ZFYVE9: variants seen among roughly 807,000 people sequenced by gnomAD.
ZFYVE9 encodes the protein zinc finger FYVE-type containing 9.
ZFYVE9 carries 43 observed loss-of-function variants against 126.7 expected under a neutral mutation model. The observed-to-expected ratio is 0.34, with a 90% CI of 0.27 to 0.44. The LOEUF is 0.44. ZFYVE9 is among the 20% of genes least tolerant of loss of function. The pLI, the probability that ZFYVE9 is intolerant of heterozygous loss-of-function variation, is 1.00. For missense variants in ZFYVE9, 1,476 were observed against 1,697.0 expected (o/e 0.87, Z 2.29); for synonymous variants, 521 against 597.4 (o/e 0.87, Z 1.87).
chr1:52,173,253 AG>A (rs1231792133), intron 1 of ZFYVE9, among the ~76,000 whole-genome samples: 1 of 152,184 alleles, frequency 6.6e-6, no homozygotes, highest in Non-Finnish European at 1.5e-5. Context: ...GCATCTACTG[AG>A]ATAATCATGT....
chr1:52,200,486 G>C (rs1242650710), intron 1 of ZFYVE9, among the ~76,000 whole-genome samples: 2 of 152,106 alleles, frequency 1.3e-5, no homozygotes, highest in Non-Finnish European at 2.9e-5. Context: ...TGGCCACAGA[G>C]CAGAAATTTT....
rs904617054 is a variant in ZFYVE9, at chr1:52,238,074, G to A, written c.657G>A (p.Pro219=). 38 of 1,613,842 alleles carry A rather than the reference G, an allele frequency of 2.4e-5. No homozygotes were observed. Among genetic ancestry groups the A allele is most frequent in the Non-Finnish European group, 2.7e-5 (32 of 1,179,940 alleles). The change falls in exon 4 of 19, where the codon CCG becomes CCA. Residue 219 remains proline, a synonymous_variant. Coordinates refer to ENST00000287727, the MANE Select transcript of ZFYVE9 (RefSeq NM_004799.4). ...AACAAATGGATCCATTGAATAGACC[G>A]AAAACAGAGGGGAGATCTGTTAACC... ...SEKQMDPLNR[P]KTEGRSVNHL...
intron 12 of ZFYVE9, among the ~76,000 whole-genome samples, chr1:52,303,425 T>C (rs1173697903): frequency 6.6e-6 from 1 of 152,176 alleles, no homozygotes; most frequent in Non-Finnish European, 1.5e-5. Context: ...TTACAGATAT[T>C]CATTGAGTGC....
At chr1:52,160,133 C>T in intron 1 of ZFYVE9, 2 of 596,546 alleles carry the variant, frequency 3.4e-6, no homozygotes, top group Non-Finnish European at 3.0e-6. Context: ...ATGAATTACA[C>T]ACATAACACT....
At chr1:52,145,478 T>C (rs1462121324) in intron 1 of ZFYVE9, among the ~76,000 whole-genome samples, 1 of 152,196 alleles carries the variant, frequency 6.6e-6, no homozygotes, top group Non-Finnish European at 1.5e-5. Context: ...GTTAATTGCA[T>C]AATGTGGTAC....
intron 1 of ZFYVE9, among the ~76,000 whole-genome samples, chr1:52,202,252 T>C (rs1018912467): frequency 3.3e-5 from 5 of 152,106 alleles, no homozygotes; most frequent in African/African-American, 1.2e-4. Flanking sequence ...TTCTTTTCTT[T>C]ACTCCTCCGT....
intron 1 of ZFYVE9, among the ~76,000 whole-genome samples, chr1:52,178,138 G>A (rs1359303789): frequency 6.6e-6 from 1 of 151,580 alleles, no homozygotes; most frequent in East Asian, 2.0e-4. Flanking sequence ...AATTAGCTGG[G>A]TGTGGTGGCT....
At chr1:52,231,626 ACT>A (rs1416124166) in intron 2 of ZFYVE9, among the ~76,000 whole-genome samples, 2 of 151,624 alleles carry the variant, frequency 1.3e-5, no homozygotes, top group African/African-American at 2.4e-5. Context: ...ATGGGAAAAT[ACT>A]CTTTCTTTTT....
intron 15 of ZFYVE9, among the ~76,000 whole-genome samples, chr1:52,335,427 T>C (rs544961796): frequency 2.1e-4 from 32 of 152,194 alleles, no homozygotes; most frequent in Non-Finnish European, 4.3e-4. Context: ...TAGAATTATA[T>C]GAAGGTTTGT....
chr1:52,228,893 CTTTTT>C (rs11438635), intron 2 of ZFYVE9, among the ~76,000 whole-genome samples: 2 of 142,470 alleles, frequency 1.4e-5, no homozygotes. Context: ...ATCTTTTTTC[CTTTTT>C]TTTTTTTTAA....
intron 11 of ZFYVE9, among the ~76,000 whole-genome samples, chr1:52,295,510 A>G (rs1645964909): frequency 6.6e-6 from 1 of 151,884 alleles, no homozygotes; most frequent in South Asian, 2.1e-4. Context: ...GGTGCATGCT[A>G]CCACACCCAG....
At chr1:52,288,518 C>T (rs1007463837) in intron 10 of ZFYVE9, among the ~76,000 whole-genome samples, 1 of 152,196 alleles carries the variant, frequency 6.6e-6, no homozygotes, top group Non-Finnish European at 1.5e-5. Flanking sequence ...AGGACATGAC[C>T]TTTTATGAAG....
intron 10 of ZFYVE9, among the ~76,000 whole-genome samples, chr1:52,287,422 T>G (rs1645872578): frequency 6.6e-6 from 1 of 152,158 alleles, no homozygotes; most frequent in African/African-American, 2.4e-5. Flanking sequence ...AATCTTTTAT[T>G]AAGAAAGTGT....
chr1:52,253,110 C>T (rs977630515), intron 4 of ZFYVE9, among the ~76,000 whole-genome samples: 2 of 152,134 alleles, frequency 1.3e-5, no homozygotes, highest in Non-Finnish European at 2.9e-5. Context: ...GCTGTGCTCA[C>T]ACCACTGCAC....
intron 13 of ZFYVE9, among the ~76,000 whole-genome samples, chr1:52,331,365 G>C (rs1646339050): frequency 6.6e-6 from 1 of 151,814 alleles, no homozygotes; most frequent in East Asian, 1.9e-4. Flanking sequence ...TATAATCCCA[G>C]CCATTCAAGA....
At position 52,264,996 on chromosome 1, in the gene ZFYVE9, A is replaced by G. The variant is rs1381366180; in HGVS notation, c.2278+1124A>G. 2.6e-5 allele frequency among the ~76,000 whole-genome samples: 4 copies of G among 152,366 alleles called. No homozygotes were observed. In the East Asian group the frequency reaches 7.7e-4, roughly 29 times the overall value. ...CGGGCACATATTCACAGATAAGAGCATGCTGCTTAATTATAGTACCTAATA... is the reference window on the plus strand; with the variant it reads ...CGGGCACATATTCACAGATAAGAGCGTGCTGCTTAATTATAGTACCTAATA... On this transcript the variant is annotated intron_variant, in intron 5 of 18. Coordinates refer to ENST00000287727, the MANE Select transcript of ZFYVE9 (RefSeq NM_004799.4).
At chr1:52,295,400 C>A (rs902913212) in intron 11 of ZFYVE9, among the ~76,000 whole-genome samples, 13 of 151,984 alleles carry the variant, frequency 8.6e-5, no homozygotes, top group African/African-American at 3.1e-4. Context: ...CATTCTGTCA[C>A]CAAGGCTGGA....
chr1:52,255,964 T>TTTTCTTTTCTTTC (rs1553129446), intron 4 of ZFYVE9, among the ~76,000 whole-genome samples: 37 of 68,562 alleles, frequency 5.4e-4, no homozygotes, highest in Non-Finnish European at 8.2e-4. Context: ...TTTTCTTTTC[T>TTTTCTTTTCTTTC]TTTCTTTCTT....
intron 1 of ZFYVE9, among the ~76,000 whole-genome samples, chr1:52,166,863 T>C (rs1328099121): frequency 1.3e-5 from 2 of 152,148 alleles, no homozygotes; most frequent in Non-Finnish European, 2.9e-5. Flanking sequence ...ATAATGCCAC[T>C]GCACTCCAGC....
Sources: gnomAD v4.1 joint callset for allele counts (sites outside exome capture counted in the v4.1 genomes callset) on GRCh38, gnomAD v4.1.1 for gene constraint, MANE v1.5 for transcripts, NCBI Gene and HGNC (gene_info 2026-07-23, HGNC 2026-07-21) for gene names.